Variants in ZNF438 observed in about 807,000 individuals in gnomAD.
ZNF438 encodes zinc finger protein 438.
Under a neutral mutation model 38.0 loss-of-function variants are expected in ZNF438, and 25 were observed. The ratio of observed to expected loss-of-function variants is 0.66; its 90% CI spans 0.48 to 0.92. The LOEUF is 0.92. Ranked by LOEUF, ZNF438 falls within the 40% of genes least tolerant of loss-of-function variation. The pLI is 0.00. For synonymous variants in ZNF438, 372 were observed against 364.1 expected (o/e 1.02, Z -0.25); for missense variants, 1,007 against 999.6 (o/e 1.01, Z -0.10).
At chr10:30,929,699 G>A (rs1210159153) in intron 2 of ZNF438, among the ~76,000 whole-genome samples, 1 of 152,176 alleles carries the variant, frequency 6.6e-6, no homozygotes, top group African/African-American at 2.4e-5. Flanking sequence ...AGGGCTGACT[G>A]ATCCATTTTG....
At chr10:31,030,831 T>TGTA (rs1282788024) in intron 1 of ZNF438, among the ~76,000 whole-genome samples, 1 of 152,232 alleles carries the variant, frequency 6.6e-6, no homozygotes, top group Non-Finnish European at 1.5e-5. Context: ...TAATCGATAA[T>TGTA]GTAGTACCCC....
At chr10:30,960,657 G>A (rs2136018010) in intron 1 of ZNF438, among the ~76,000 whole-genome samples, 1 of 146,514 alleles carries the variant, frequency 6.8e-6, no homozygotes, top group African/African-American at 2.4e-5. Context: ...CCTGAATACT[G>A]TCACCTTAGA....
At chr10:30,953,420 T>TA (rs2048468588) in intron 1 of ZNF438, among the ~76,000 whole-genome samples, 3 of 141,730 alleles carry the variant, frequency 2.1e-5, no homozygotes, top group Non-Finnish European at 4.7e-5. Flanking sequence ...ATTTAAAAAA[T>TA]TAAAAAAAAA....
intron 1 of ZNF438, among the ~76,000 whole-genome samples, chr10:30,948,934 A>C (rs1360412848): frequency 1.3e-5 from 2 of 152,142 alleles, no homozygotes; most frequent in Non-Finnish European, 2.9e-5. Flanking sequence ...GAGCAACTCC[A>C]AGACACATAA....
chr10:30,922,184 G>A (rs1030015489), intron 2 of ZNF438, among the ~76,000 whole-genome samples: 16 of 152,082 alleles, frequency 1.1e-4, no homozygotes, highest in Admixed American at 5.2e-4. Context: ...TGTTAAAGAC[G>A]TATCTCTCTG....
chr10:30,933,900 ACTTT>A (rs2045952617), intron 2 of ZNF438, among the ~76,000 whole-genome samples: 1 of 152,108 alleles, frequency 6.6e-6, no homozygotes, highest in Non-Finnish European at 1.5e-5. Flanking sequence ...TAATCCCAAC[ACTTT>A]GGGAGACCGA....
At chr10:30,880,256 C>A (rs58828017) in intron 3 of ZNF438, among the ~76,000 whole-genome samples, 30,866 of 151,556 alleles carry the variant, frequency 0.2, 3,410 homozygotes, top group African/African-American at 0.29. Context: ...CATGGAGAAA[C>A]CCTGTCTCTA....
At chr10:30,941,449 A>G (rs1347717408) in intron 2 of ZNF438, 126 bp downstream of exon 3, 1 of 152,202 alleles carries the variant, frequency 6.6e-6, no homozygotes, top group African/African-American at 2.4e-5. Flanking sequence ...CAGTGATTCA[A>G]TATACAAGGT....
intron 4 of ZNF438, among the ~76,000 whole-genome samples, chr10:30,869,046 C>T (rs2036943161): frequency 6.6e-6 from 1 of 152,184 alleles, no homozygotes; most frequent in Non-Finnish European, 1.5e-5. Context: ...AGTAAATTAT[C>T]CGATTACCAG....
intron 2 of ZNF438, among the ~76,000 whole-genome samples, chr10:30,911,102 A>T (rs1343042786): frequency 6.6e-6 from 1 of 152,202 alleles, no homozygotes; most frequent in Non-Finnish European, 1.5e-5. Flanking sequence ...GCACATTAAA[A>T]AAATGGAGAT....
chr10:30,973,801 C>T (rs2051015617), intron 1 of ZNF438, among the ~76,000 whole-genome samples: 1 of 152,192 alleles, frequency 6.6e-6, no homozygotes, highest in African/African-American at 2.4e-5. Flanking sequence ...AAGAGTCACC[C>T]TTTGCTGCAT....
chr10:30,917,682 TG>T (rs2043810443), intron 2 of ZNF438, among the ~76,000 whole-genome samples: 1 of 152,196 alleles, frequency 6.6e-6, no homozygotes, highest in South Asian at 2.1e-4. Context: ...CTTTTTGTTA[TG>T]GAGCTGTATA....
intron 4 of ZNF438, among the ~76,000 whole-genome samples, chr10:30,869,510 T>A (rs1305810631): frequency 6.6e-6 from 1 of 152,028 alleles, no homozygotes; most frequent in East Asian, 1.9e-4. Flanking sequence ...CATATATGGC[T>A]GGTCTACTTT....
At chr10:30,993,586 G>A (rs2053732250) in intron 1 of ZNF438, among the ~76,000 whole-genome samples, 1 of 152,274 alleles carries the variant, frequency 6.6e-6, no homozygotes, top group South Asian at 2.1e-4. Flanking sequence ...TGCCCTGGCA[G>A]AGACTTGTCA....
intron 2 of ZNF438, among the ~76,000 whole-genome samples, chr10:30,938,981 A>G (rs2135466293): frequency 6.6e-6 from 1 of 152,110 alleles, no homozygotes; most frequent in East Asian, 1.9e-4. Context: ...TTTTTAGTAG[A>G]GACGGGGTTT....
intron 2 of ZNF438, among the ~76,000 whole-genome samples, chr10:30,915,835 C>A (rs1281000861): frequency 6.6e-6 from 1 of 151,898 alleles, no homozygotes; most frequent in Non-Finnish European, 1.5e-5. Flanking sequence ...TAAAAGTGTG[C>A]TTTGAGAAGT....
At position 30,950,927 on chromosome 10, in the gene ZNF438, C is replaced by T. The variant is rs201920253; in HGVS notation, c.-191-9276G>A. Among the ~76,000 whole-genome samples the T allele has an allele frequency of 1.6e-3, 210 of 132,156 alleles. 1 individual carries two copies. The highest frequency in any genetic ancestry group is 7.1e-3 in the Middle Eastern group (2 of 280). 86.7% of individuals were successfully genotyped at this position (132,156 alleles called of 152,430 possible). A position where few individuals can be genotyped will look rare whatever the true frequency, so the allele number is the denominator to read the frequency against. On this transcript the variant is annotated intron_variant, in intron 1 of 5. Coordinates refer to ENST00000413025, the Ensembl canonical transcript of ZNF438. ...GTCAGCATCATTCTGATACCAAAGC[C>T]GGGCAGAGACACAACAAAAAAAGAG...
At chr10:30,855,047 G>C (rs1280788202) in intron 4 of ZNF438, among the ~76,000 whole-genome samples, 1 of 152,192 alleles carries the variant, frequency 6.6e-6, no homozygotes, top group Non-Finnish European at 1.5e-5. Context: ...ATACTTCATA[G>C]AGCCATACCA....
At chr10:30,984,276 A>G (rs2052532300) in intron 1 of ZNF438, 93 bp downstream of exon 2, 1 of 152,180 alleles carries the variant, frequency 6.6e-6, no homozygotes. Flanking sequence ...TGCTGAAGTA[A>G]GATATGCCCC....
Sources: gnomAD v4.1 joint callset for allele counts (sites outside exome capture counted in the v4.1 genomes callset) on GRCh38, gnomAD v4.1.1 for gene constraint, MANE v1.5 for transcripts, NCBI Gene and HGNC (gene_info 2026-07-23, HGNC 2026-07-21) for gene names.